RBFOX1: variants seen among roughly 807,000 people sequenced by gnomAD.
RBFOX1 encodes the protein RNA binding protein fox-1 homolog 1.
In RBFOX1, 8 loss-of-function variants were observed where a neutral mutation model predicts 57.7. That is an observed-to-expected ratio of 0.14 (90% CI 0.08 to 0.25). The LOEUF is 0.25. Among genes scored for constraint, RBFOX1 ranks in the 10% least tolerant of loss-of-function variants. The pLI is 1.00. For synonymous variants in RBFOX1, 326 were observed against 222.4 expected (o/e 1.47, Z -4.15); for missense variants, 611 against 548.5 (o/e 1.11, Z -1.14).
chr16:5,854,818 G>A (rs1465079638), intron 3 of RBFOX1, among the ~76,000 whole-genome samples: 2 of 151,972 alleles, frequency 1.3e-5, no homozygotes, highest in African/African-American at 4.8e-5. Flanking sequence ...TTCCATAATG[G>A]CTCTATCAAT....
rs76338532 is a variant in RBFOX1 at position 5,973,350 on chromosome 16, C to G, written c.351+106015C>G. Among the ~76,000 whole-genome samples the G allele has an allele frequency of 4.7e-3, 716 of 152,326 alleles. 4 individuals are homozygous for G. The highest frequency in any genetic ancestry group is 0.016 in the African/African-American group (646 of 41,578). ...ACACATGAACTCTATTCCCTGACCA[C>G]TCTTCACCAACCTGCTATTTTTCTG... is the stretch of plus-strand genomic sequence containing the variant. On this transcript the variant is annotated intron_variant, in intron 4 of 19. Coordinates refer to the RBFOX1 transcript ENST00000641259.
chr16:5,828,709 A>G (rs942818289), intron 3 of RBFOX1, among the ~76,000 whole-genome samples: 5 of 152,136 alleles, frequency 3.3e-5, no homozygotes, highest in Admixed American at 2.6e-4. Context: ...AGAAAAGAAA[A>G]GAAAAAAATG....
At chr16:7,273,011 C>G (rs1369262976) in intron 4 of RBFOX1, among the ~76,000 whole-genome samples, 1 of 137,798 alleles carries the variant, frequency 7.3e-6, no homozygotes, top group Non-Finnish European at 1.5e-5. Context: ...TCCTCCCTTC[C>G]TTTCTGCCTT....
At chr16:7,282,687 A>C (rs1261442503) in intron 4 of RBFOX1, among the ~76,000 whole-genome samples, 1 of 152,156 alleles carries the variant, frequency 6.6e-6, no homozygotes, top group Non-Finnish European at 1.5e-5. Flanking sequence ...TCACCTGAGC[A>C]GTATACACTG....
intron 2 of RBFOX1, among the ~76,000 whole-genome samples, chr16:5,492,260 C>A (rs144784693): frequency 2.7e-3 from 405 of 152,300 alleles, no homozygotes; most frequent in Middle Eastern, 0.014. Flanking sequence ...ACCCACAGGT[C>A]ACAGGTACCT....
intron 4 of RBFOX1, among the ~76,000 whole-genome samples, chr16:7,183,592 T>C (rs925617420): frequency 6.6e-6 from 1 of 152,134 alleles, no homozygotes; most frequent in Non-Finnish European, 1.5e-5. Context: ...GTATTTTTTT[T>C]CCAGGCTTTC....
intron 4 of RBFOX1, among the ~76,000 whole-genome samples, chr16:7,490,427 T>A (rs1405243443): frequency 6.6e-6 from 1 of 152,204 alleles, no homozygotes; most frequent in Non-Finnish European, 1.5e-5. Flanking sequence ...GGTCTATGAT[T>A]CTAGTTTCAC....
At chr16:7,290,029 T>C (rs1432791128) in intron 4 of RBFOX1, among the ~76,000 whole-genome samples, 2 of 152,198 alleles carry the variant, frequency 1.3e-5, no homozygotes, top group African/African-American at 4.8e-5. Context: ...AGAGTAAACC[T>C]ATAATCTGTG....
intron 3 of RBFOX1, among the ~76,000 whole-genome samples, chr16:6,920,389 G>A (rs569724778): frequency 6.6e-6 from 1 of 152,230 alleles, no homozygotes; most frequent in Non-Finnish European, 1.5e-5. Flanking sequence ...TGAAACCAGA[G>A]TCCTTTCTAC....
rs753595554 is a variant in RBFOX1 at position 7,000,564 on chromosome 16, GTTTTC to G, written c.-15-51483_-15-51479del. Among the ~76,000 whole-genome samples, 16 of 131,164 alleles carry G rather than the reference GTTTTC, an allele frequency of 1.2e-4. 1 individual carries two copies. The highest frequency in any genetic ancestry group is 2.7e-4 in the South Asian group (1 of 3,766). The allele number at this position is 131,164 out of a possible 152,430, so 86.0% of individuals were successfully genotyped here. A position where few individuals can be genotyped will look rare whatever the true frequency, so the allele number is the denominator to read the frequency against. On this transcript the variant is annotated intron_variant, in intron 3 of 15. Transcript: ENST00000550418. The stretch of plus-strand genomic sequence containing the variant: ...TGCTTTTGGCAAAAACACATAATAA[GTTTTC>G]TTTTCTTTTTTTCTTTCTTTTTCTT...
chr16:7,398,528 T>A (rs560755073), intron 4 of RBFOX1, among the ~76,000 whole-genome samples: 1 of 152,342 alleles, frequency 6.6e-6, no homozygotes, highest in African/African-American at 2.4e-5. Context: ...ACAGAACAGA[T>A]CTTGCAAATT....
intron 3 of RBFOX1, among the ~76,000 whole-genome samples, chr16:6,942,324 C>T (rs1054953783): frequency 7.9e-5 from 12 of 152,138 alleles, no homozygotes; most frequent in South Asian, 6.2e-4. Context: ...CACACCACCA[C>T]GCTCAGCTAA....
intron 10 of RBFOX1, among the ~76,000 whole-genome samples, chr16:7,623,736 G>A (rs2059659846): frequency 6.6e-6 from 1 of 152,160 alleles, no homozygotes; most frequent in African/African-American, 2.4e-5. Flanking sequence ...CTGGATGCTG[G>A]AAGTCTGAGA....
intron 2 of RBFOX1, among the ~76,000 whole-genome samples, chr16:5,575,002 C>G (rs1002973654): frequency 3.3e-5 from 5 of 152,258 alleles, no homozygotes; most frequent in Non-Finnish European, 5.9e-5. Context: ...CCCTGGCTAA[C>G]CAGATAACAA....
At chr16:7,472,481 C>A (rs1404816968) in intron 4 of RBFOX1, among the ~76,000 whole-genome samples, 1 of 152,160 alleles carries the variant, frequency 6.6e-6, no homozygotes, top group South Asian at 2.1e-4. Flanking sequence ...ATGAAACTTG[C>A]AAAGAAAAGA....
At chr16:6,742,972 G>C (rs1461863537) in intron 3 of RBFOX1, among the ~76,000 whole-genome samples, 1 of 152,102 alleles carries the variant, frequency 6.6e-6, no homozygotes, top group Non-Finnish European at 1.5e-5. Context: ...CTTTATCAAT[G>C]TCAATATCAT....
chr16:5,426,447 C>A (rs1597015618), intron 1 of RBFOX1, among the ~76,000 whole-genome samples: 1 of 152,222 alleles, frequency 6.6e-6, no homozygotes, highest in Non-Finnish European at 1.5e-5. Flanking sequence ...CGTTTGCAGC[C>A]ACCGCCAGGG....
chr16:5,775,678 G>A (rs2054123883), intron 3 of RBFOX1, among the ~76,000 whole-genome samples: 1 of 152,146 alleles, frequency 6.6e-6, no homozygotes, highest in Admixed American at 6.5e-5. Context: ...AGGAAACAAA[G>A]GACTGAAAAC....
chr16:5,903,938 C>T (rs186169608), intron 4 of RBFOX1, among the ~76,000 whole-genome samples: 1 of 152,256 alleles, frequency 6.6e-6, no homozygotes, highest in African/African-American at 2.4e-5. Flanking sequence ...CTGGTGGAGG[C>T]ACGTTTTCCT....
Sources: allele counts gnomAD v4.1 joint callset (sites outside exome capture counted in the v4.1 genomes callset), GRCh38; gene constraint gnomAD v4.1.1; transcripts MANE v1.5; gene names NCBI Gene and HGNC (gene_info 2026-07-23, HGNC 2026-07-21).